CAMK1D: variants seen among roughly 807,000 people sequenced by gnomAD.
The protein encoded by CAMK1D is calcium/calmodulin-dependent protein kinase type 1D.
Under a neutral mutation model 47.7 loss-of-function variants are expected in CAMK1D, and 9 were observed. The observed-to-expected ratio is 0.19, with a 90% confidence interval of 0.11 to 0.33. CAMK1D has a LOEUF of 0.33. CAMK1D is among the 10% of genes least tolerant of loss of function. CAMK1D has a pLI of 1.00. For missense variants in CAMK1D, 291 were observed against 488.7 expected, an observed-to-expected ratio of 0.60 and a Z score of 3.81; for synonymous variants, 184 against 184.9, an observed-to-expected ratio of 0.99 and a Z score of 0.04.
intron 1 of CAMK1D, among the ~76,000 whole-genome samples, chr10:12,369,824 C>T (rs527530132): frequency 8.2e-4 from 124 of 151,524 alleles, no homozygotes; most frequent in African/African-American, 2.1e-3. Context: ...AGTGTGGTGG[C>T]GCGTGCCTAT....
chr10:12,807,148 G>C (rs550236197), intron 6 of CAMK1D, among the ~76,000 whole-genome samples: 1 of 152,284 alleles, frequency 6.6e-6, no homozygotes, highest in South Asian at 2.1e-4. Flanking sequence ...GCTGCCTGCT[G>C]GCTACCTTCA....
chr10:12,709,797 T>A lies in CAMK1D; in HGVS notation c.299+42987T>A, dbSNP rs550350790. On this transcript the variant is annotated intron_variant, in intron 3 of 10. Coordinates refer to ENST00000619168, the MANE Select transcript of CAMK1D (RefSeq NM_153498.4). ...TCAAAGTATTTCTGCTGAGTTTTGT[T>A]ACTTTGTTTAACTTTTTTATTATGT... Among the ~76,000 whole-genome samples, 14 of 152,364 alleles carry A rather than the reference T, an allele frequency of 9.2e-5. No individual in the cohort carries two copies. The South Asian group carries it at 2.7e-3, about 29-fold the overall frequency.
intron 2 of CAMK1D, among the ~76,000 whole-genome samples, chr10:12,599,624 C>T (rs1310690641): frequency 1.3e-5 from 2 of 152,210 alleles, no homozygotes; most frequent in African/African-American, 2.4e-5. Flanking sequence ...AACGTGAACA[C>T]GATCAGGAGA....
chr10:12,650,342 G>A (rs567157119), intron 2 of CAMK1D, among the ~76,000 whole-genome samples: 6 of 152,360 alleles, frequency 3.9e-5, no homozygotes, highest in Non-Finnish European at 7.3e-5. Flanking sequence ...GGCTGTGCCC[G>A]CATAGCCCTG....
chr10:12,414,127 A>G (rs1839764901), intron 1 of CAMK1D, among the ~76,000 whole-genome samples: 2 of 152,248 alleles, frequency 1.3e-5, no homozygotes, highest in Non-Finnish European at 2.9e-5. Flanking sequence ...TCTGAAAACC[A>G]TAATATAATA....
intron 1 of CAMK1D, among the ~76,000 whole-genome samples, chr10:12,444,311 C>T (rs1442695409): frequency 2.6e-5 from 4 of 152,194 alleles, no homozygotes; most frequent in East Asian, 1.9e-4. Context: ...CTGGTTCAAA[C>T]GCCTCTGACA....
At chr10:12,389,634 TA>T (rs1838651459) in intron 1 of CAMK1D, among the ~76,000 whole-genome samples, 1 of 152,156 alleles carries the variant, frequency 6.6e-6, no homozygotes, top group South Asian at 2.1e-4. Flanking sequence ...CCGGTTTTAG[TA>T]ACGTGCCCTT....
At chr10:12,399,276 CA>C (rs1839084904) in intron 1 of CAMK1D, among the ~76,000 whole-genome samples, 2 of 152,232 alleles carry the variant, frequency 1.3e-5, no homozygotes, top group South Asian at 4.1e-4. Flanking sequence ...GAGGCCGAGG[CA>C]GTGGATCACC....
chr10:12,495,170 C>G (rs1460020523), intron 1 of CAMK1D, among the ~76,000 whole-genome samples: 1 of 152,176 alleles, frequency 6.6e-6, no homozygotes, highest in Non-Finnish European at 1.5e-5. Context: ...GCAAGCACAT[C>G]TTGTCATTGT....
At chr10:12,770,815 G>C (rs982464337) in intron 5 of CAMK1D, among the ~76,000 whole-genome samples, 2 of 152,108 alleles carry the variant, frequency 1.3e-5, no homozygotes, top group African/African-American at 4.8e-5. Flanking sequence ...TTGTGCGAAA[G>C]CCTGAAGGCT....
chr10:12,368,216 A>T (rs540291657), intron 1 of CAMK1D, among the ~76,000 whole-genome samples: 126 of 147,086 alleles, frequency 8.6e-4, no homozygotes, highest in Non-Finnish European at 1.2e-3. Flanking sequence ...AAAAAAAAAT[A>T]AAATAAAATG....
At chr10:12,424,804 A>G (rs1019235804) in intron 1 of CAMK1D, among the ~76,000 whole-genome samples, 1 of 152,120 alleles carries the variant, frequency 6.6e-6, no homozygotes, top group African/African-American at 2.4e-5. Context: ...GCGAGACCCC[A>G]TCTCACACAA....
intron 1 of CAMK1D, among the ~76,000 whole-genome samples, chr10:12,408,419 C>T (rs1444954031): frequency 3.9e-5 from 6 of 152,166 alleles, no homozygotes; most frequent in Non-Finnish European, 8.8e-5. Context: ...GTGATCCACC[C>T]GCCTCGGCCT....
Position 12,829,821 on chromosome 10 carries a change from TC to T in CAMK1D, c.*938del, listed in dbSNP as rs1364267023. 6.6e-6 allele frequency: 1 copy of T among 151,910 alleles called. No individual in the cohort carries two copies. Among genetic ancestry groups the T allele is most frequent in the African/African-American group, 2.4e-5 (1 of 41,288 alleles). The allele number at this position is 151,910 out of a possible 1,614,324, so 9.4% of individuals were successfully genotyped here. A position where few individuals can be genotyped will look rare whatever the true frequency, so the allele number is the denominator to read the frequency against. On this transcript the variant is annotated 3_prime_UTR_variant, in exon 11 of 11. Coordinates refer to ENST00000619168, the MANE Select transcript of CAMK1D (RefSeq NM_153498.4). ...TTCACCTCTACTCCTTCTGTTTCTC[TC>T]CCCTTCCCCAGGAGGAGGGGCCCCT...
In CAMK1D at chr10:12,694,208, G is replaced by GCATAATATATATATTATA. The variant is rs1833116737; in HGVS notation, c.299+27398_299+27399insCATAATATATATATTATA. On this transcript the variant is annotated intron_variant, in intron 3 of 10. Transcript: ENST00000619168. ...TAATATAATATATATTATATATTAT[G>GCATAATATATATATTATA]TATAATATAAAATATATATTATGTA... 4.4e-4 allele frequency among the ~76,000 whole-genome samples: 8 copies of GCATAATATATATATTATA among 18,164 alleles called. 2 individuals carry two copies. Among genetic ancestry groups the GCATAATATATATATTATA allele is most frequent in the African/African-American group, 1.3e-3 (5 of 3,914 alleles). The allele number at this position is 18,164 out of a possible 152,430, so 11.9% of individuals were successfully genotyped here.
chr10:12,462,466 G>T (rs904990436), intron 1 of CAMK1D, among the ~76,000 whole-genome samples: 5 of 97,534 alleles, frequency 5.1e-5, no homozygotes, highest in African/African-American at 1.9e-4. Context: ...GCCTGGCCAA[G>T]AATTTTTTTT....
chr10:12,703,396 C>T (rs1213009785), intron 3 of CAMK1D, among the ~76,000 whole-genome samples: 1 of 152,172 alleles, frequency 6.6e-6, no homozygotes, highest in African/African-American at 2.4e-5. Flanking sequence ...CAGAAGCCAC[C>T]AGACCCACAG....
intron 1 of CAMK1D, among the ~76,000 whole-genome samples, chr10:12,521,408 T>A (rs1048650723): frequency 1.3e-5 from 2 of 152,220 alleles, no homozygotes; most frequent in Non-Finnish European, 2.9e-5. Context: ...TTGAGAATAA[T>A]CTACATAATC....
At chr10:12,553,526 G>C (rs974561549) in intron 2 of CAMK1D, among the ~76,000 whole-genome samples, 170 bp downstream of exon 2, 11 of 152,164 alleles carry the variant, frequency 7.2e-5, no homozygotes, top group Admixed American at 2.0e-4. Flanking sequence ...GACCTCTCGT[G>C]TCTTAGAACA....
Sources: allele counts gnomAD v4.1 joint callset (sites outside exome capture counted in the v4.1 genomes callset), GRCh38; gene constraint gnomAD v4.1.1; transcripts MANE v1.5; gene names NCBI Gene and HGNC (gene_info 2026-07-23, HGNC 2026-07-21).